TENM2: variants seen among roughly 807,000 people sequenced by gnomAD.
TENM2 encodes the protein teneurin transmembrane protein 2.
TENM2 carries 52 observed loss-of-function variants against 245.2 expected under a neutral mutation model. That is an observed-to-expected ratio of 0.21 (90% CI 0.17 to 0.27). The LOEUF is 0.27. Ranked by LOEUF, TENM2 falls within the 10% of genes least tolerant of loss-of-function variation. The pLI is 1.00. For missense variants in TENM2, 3,046 were observed against 3,666.8 expected (o/e 0.83, Z 4.37); for synonymous variants, 1,363 against 1,438.9 (o/e 0.95, Z 1.19).
intron 2 of TENM2, among the ~76,000 whole-genome samples, chr5:167,406,451 G>A (rs756112722): frequency 2.2e-4 from 33 of 152,220 alleles, no homozygotes; most frequent in Non-Finnish European, 3.2e-4. Context: ...GAGTATTTCG[G>A]GGCCTGGTCA....
intron 3 of TENM2, among the ~76,000 whole-genome samples, chr5:167,940,259 A>G (rs568423035): frequency 6.7e-6 from 1 of 149,166 alleles, no homozygotes; most frequent in East Asian, 1.9e-4. Context: ...CATATTTGTC[A>G]ATGTGTAATT....
intron 19 of TENM2, among the ~76,000 whole-genome samples, chr5:168,208,984 C>T (rs1762585700): frequency 6.6e-6 from 1 of 151,128 alleles, no homozygotes; most frequent in Admixed American, 6.7e-5. Flanking sequence ...ACTCCTGTAA[C>T]ACTTCCATGA....
intron 2 of TENM2, among the ~76,000 whole-genome samples, chr5:167,569,857 A>T (rs1341934526): frequency 2.0e-5 from 3 of 152,192 alleles, no homozygotes; most frequent in Non-Finnish European, 4.4e-5. Context: ...TTCCACAATT[A>T]GGAAACAAAT....
chr5:167,871,738 A>G (rs1351142090), intron 2 of TENM2, among the ~76,000 whole-genome samples: 2 of 152,182 alleles, frequency 1.3e-5, no homozygotes, highest in African/African-American at 4.8e-5. Flanking sequence ...AACTTTCAAC[A>G]TAGTTGGAGA....
At chr5:168,064,137 C>T (rs1415759856) in intron 7 of TENM2, among the ~76,000 whole-genome samples, 3 of 151,998 alleles carry the variant, frequency 2.0e-5, no homozygotes, top group Admixed American at 2.0e-4. Context: ...GAAAGGAATC[C>T]CTGGTGCATT....
At chr5:168,220,217 G>T (rs1233367245) in intron 23 of TENM2, among the ~76,000 whole-genome samples, 2 of 152,062 alleles carry the variant, frequency 1.3e-5, no homozygotes, top group Non-Finnish European at 2.9e-5. Flanking sequence ...AAACACCTCC[G>T]AGATTTTCAT....
At chr5:168,078,825 T>G (rs1026269549) in intron 7 of TENM2, among the ~76,000 whole-genome samples, 3 of 152,220 alleles carry the variant, frequency 2.0e-5, no homozygotes, top group African/African-American at 7.2e-5. Context: ...CTGTTTTGAT[T>G]ACTGTAGCCT....
chr5:167,472,548 G>T (rs1364440433), intron 2 of TENM2, among the ~76,000 whole-genome samples: 3 of 152,172 alleles, frequency 2.0e-5, no homozygotes, highest in African/African-American at 4.8e-5. Flanking sequence ...TTATACATCA[G>T]TTCAGGAACA....
chr5:168,228,972 ATATACG>A (rs1764553859), intron 25 of TENM2, among the ~76,000 whole-genome samples: 1 of 147,902 alleles, frequency 6.8e-6, no homozygotes, highest in Non-Finnish European at 1.5e-5. Context: ...CATAATATAC[ATATACG>A]TATACATAAT....
chr5:167,918,952 C>A (rs1777150958), intron 3 of TENM2, among the ~76,000 whole-genome samples: 1 of 151,996 alleles, frequency 6.6e-6, no homozygotes, highest in African/African-American at 2.4e-5. Flanking sequence ...GTTTGCTGAG[C>A]AATCAACAAT....
intron 2 of TENM2, among the ~76,000 whole-genome samples, chr5:167,447,987 G>A (rs909678467): frequency 3.3e-5 from 5 of 152,162 alleles, no homozygotes; most frequent in Non-Finnish European, 7.3e-5. Context: ...AGAGACAGCT[G>A]TACTGGAGGA....
At chr5:167,268,788 T>G in the TENM2 span, among the ~76,000 whole-genome samples, 3 of 152,094 alleles carry the variant, frequency 2.0e-5, no homozygotes, top group Admixed American at 2.0e-4. Flanking sequence ...GCAAAAAGTT[T>G]TACTGTCTGG....
chr5:167,530,860 A>G (rs769790001), intron 2 of TENM2, among the ~76,000 whole-genome samples: 7 of 152,174 alleles, frequency 4.6e-5, no homozygotes, highest in Non-Finnish European at 7.4e-5. Flanking sequence ...TGGAAGTAAT[A>G]TCATTTGAAG....
the TENM2 span, among the ~76,000 whole-genome samples, chr5:167,214,116 CAAT>C: frequency 7.9e-5 from 12 of 152,152 alleles, no homozygotes; most frequent in Non-Finnish European, 1.5e-4. Flanking sequence ...AGTCTACAAA[CAAT>C]AAGAGTTGGG....
chr5:167,824,312 T>C (rs1437516134), intron 2 of TENM2, among the ~76,000 whole-genome samples: 2 of 152,238 alleles, frequency 1.3e-5, no homozygotes, highest in East Asian at 3.9e-4. Flanking sequence ...TAGTGTCATG[T>C]AGAAGATCTG....
intron 2 of TENM2, among the ~76,000 whole-genome samples, chr5:167,560,701 T>C (rs1173516645): frequency 2.6e-5 from 4 of 152,216 alleles, no homozygotes; most frequent in Non-Finnish European, 4.4e-5. Flanking sequence ...ATGGTGCTAA[T>C]TGGTTCACAG....
At chr5:167,895,341 A>T (rs1209082209) in intron 3 of TENM2, among the ~76,000 whole-genome samples, 2 of 152,172 alleles carry the variant, frequency 1.3e-5, no homozygotes, top group Non-Finnish European at 2.9e-5. Flanking sequence ...CCATCTGCTG[A>T]GCATTTTCTG....
At chr5:167,412,788 T>C (rs1486408102) in intron 2 of TENM2, among the ~76,000 whole-genome samples, 1 of 152,066 alleles carries the variant, frequency 6.6e-6, no homozygotes, top group Non-Finnish European at 1.5e-5. Context: ...TGAAATGTTT[T>C]GTCATGTCTG....
intron 19 of TENM2, among the ~76,000 whole-genome samples, chr5:168,208,553 G>A (rs1039809328): frequency 2.0e-5 from 3 of 152,258 alleles, no homozygotes; most frequent in Non-Finnish European, 4.4e-5. Context: ...AGCCAGGACA[G>A]ACCCTGCTTG....
Sources: allele counts gnomAD v4.1 joint callset (sites outside exome capture counted in the v4.1 genomes callset), GRCh38; gene constraint gnomAD v4.1.1; transcripts MANE v1.5; gene names NCBI Gene and HGNC (gene_info 2026-07-23, HGNC 2026-07-21).